Variants in SUGCT observed in about 807,000 individuals in gnomAD.
The protein encoded by SUGCT is succinyl-CoA:glutarate CoA-transferase.
A neutral mutation model predicts 55.0 loss-of-function variants in SUGCT; 41 were observed. The observed-to-expected ratio is 0.74, with a 90% CI of 0.58 to 0.97. The LOEUF (loss-of-function observed/expected upper bound fraction) is 0.97, where lower values mean the gene tolerates loss of function less well. SUGCT is among the 50% of genes least tolerant of loss of function. The pLI, the probability that SUGCT is intolerant of heterozygous loss-of-function variation, is 0.00. For missense variants in SUGCT, 568 were observed against 547.8 expected (o/e 1.04, Z -0.37); for synonymous variants, 187 against 200.4 (o/e 0.93, Z 0.56).
At chr7:40,504,767 G>T (rs755810578) in intron 12 of SUGCT, among the ~76,000 whole-genome samples, 1 of 152,032 alleles carries the variant, frequency 6.6e-6, no homozygotes, top group Non-Finnish European at 1.5e-5. Flanking sequence ...TTGTTGAAAA[G>T]ACTTTTATTT....
the SUGCT span, among the ~76,000 whole-genome samples, chr7:40,963,375 T>G: frequency 6.6e-6 from 1 of 152,196 alleles, no homozygotes; most frequent in South Asian, 2.1e-4. Flanking sequence ...CAATTTTTAG[T>G]CTTCCCAATG....
chr7:40,836,035 GGTT>G (rs2128783285), intron 13 of SUGCT, among the ~76,000 whole-genome samples: 1 of 151,334 alleles, frequency 6.6e-6, no homozygotes, highest in South Asian at 2.1e-4. Flanking sequence ...TGGGACTACA[GGTT>G]TATGTCACTA....
At chr7:40,793,565 G>A (rs758519599) in intron 13 of SUGCT, among the ~76,000 whole-genome samples, 3 of 151,818 alleles carry the variant, frequency 2.0e-5, no homozygotes, top group Non-Finnish European at 4.4e-5. Context: ...TTTATTTTTT[G>A]CTGTTATTGT....
chr7:40,717,230 A>G (rs1786069128), intron 12 of SUGCT, among the ~76,000 whole-genome samples: 1 of 152,234 alleles, frequency 6.6e-6, no homozygotes, highest in South Asian at 2.1e-4. Context: ...AGCTAAAAGC[A>G]GGCTCTTGTC....
At chr7:40,404,668 C>G (rs932354307) in intron 9 of SUGCT, among the ~76,000 whole-genome samples, 1 of 152,136 alleles carries the variant, frequency 6.6e-6, no homozygotes, top group Non-Finnish European at 1.5e-5. Context: ...AACCCCTGAC[C>G]TCAAGTGATC....
rs986165417 is a variant in SUGCT at position 40,286,467 on chromosome 7, A to C, written c.720+11811A>C. ...GATCTTTAATGTTATCACATCTATG[A>C]TGTTCCCCTTACCATGTAAGGTGGC... On this transcript the variant is annotated intron_variant, in intron 8 of 13. Transcript: ENST00000335693. 5.3e-5 allele frequency among the ~76,000 whole-genome samples: 8 copies of C among 152,174 alleles called. No individual in the cohort carries two copies. In the East Asian group the frequency reaches 1.5e-3, roughly 29 times the overall value.
At chr7:40,459,324 C>T in intron 11 of SUGCT, 126 bp downstream of exon 11, 1 of 634,154 alleles carries the variant, frequency 1.6e-6, no homozygotes, top group South Asian at 2.3e-5. Flanking sequence ...TTTTACAAAA[C>T]TGGCTGGTGG....
chr7:40,251,399 C>T (rs916512916), intron 7 of SUGCT, among the ~76,000 whole-genome samples: 9 of 152,138 alleles, frequency 5.9e-5, no homozygotes, highest in Non-Finnish European at 1.2e-4. Context: ...TATACTGCAA[C>T]AATAATTCCC....
chr7:40,869,674 T>A, the SUGCT span, among the ~76,000 whole-genome samples: 1 of 152,250 alleles, frequency 6.6e-6, no homozygotes, highest in South Asian at 2.1e-4. Flanking sequence ...GAATGTCATT[T>A]TTTTTTTCTC....
intron 12 of SUGCT, among the ~76,000 whole-genome samples, chr7:40,655,259 A>T (rs1241424288): frequency 6.6e-6 from 1 of 152,034 alleles, no homozygotes; most frequent in Non-Finnish European, 1.5e-5. Flanking sequence ...GTGCCAATGT[A>T]CTCTAGCTTG....
At chr7:40,552,874 A>G (rs1795374128) in intron 12 of SUGCT, among the ~76,000 whole-genome samples, 1 of 148,458 alleles carries the variant, frequency 6.7e-6, no homozygotes, top group Admixed American at 6.9e-5. Context: ...AGAAATCCTG[A>G]TTTCTGTTTA....
At chr7:40,590,298 G>C (rs1349021059) in intron 12 of SUGCT, among the ~76,000 whole-genome samples, 1 of 152,094 alleles carries the variant, frequency 6.6e-6, no homozygotes, top group Non-Finnish European at 1.5e-5. Context: ...CCCTATATTG[G>C]CCTTGAAGTG....
At chr7:40,440,974 C>G (rs1788484534) in intron 9 of SUGCT, among the ~76,000 whole-genome samples, 1 of 151,826 alleles carries the variant, frequency 6.6e-6, no homozygotes, top group African/African-American at 2.4e-5. Context: ...AAAAAAAGAT[C>G]TCACTGGGTT....
intron 13 of SUGCT, among the ~76,000 whole-genome samples, chr7:40,773,261 T>G (rs1789274666): frequency 6.6e-6 from 1 of 152,026 alleles, no homozygotes; most frequent in South Asian, 2.1e-4. Flanking sequence ...CCCAAGTAGC[T>G]GGGATTACAG....
At chr7:40,999,969 C>T in the SUGCT span, among the ~76,000 whole-genome samples, 1 of 152,178 alleles carries the variant, frequency 6.6e-6, no homozygotes, top group Non-Finnish European at 1.5e-5. Context: ...AAGCACAGTG[C>T]TTCATGGGTA....
the SUGCT span, among the ~76,000 whole-genome samples, chr7:41,031,596 G>A: frequency 4.6e-5 from 7 of 152,098 alleles, no homozygotes; most frequent in Non-Finnish European, 7.4e-5. Flanking sequence ...CGATCTGACC[G>A]TTGCCTACCT....
chr7:40,848,630 G>A (rs1584531256), intron 13 of SUGCT, among the ~76,000 whole-genome samples: 1 of 152,090 alleles, frequency 6.6e-6, no homozygotes, highest in Middle Eastern at 3.4e-3. Flanking sequence ...AAAACAATGA[G>A]CCAAAATTGA....
At chr7:40,944,692 C>T in the SUGCT span, among the ~76,000 whole-genome samples, 16 of 152,122 alleles carry the variant, frequency 1.1e-4, no homozygotes, top group African/African-American at 1.9e-4. Context: ...AGTTTGAAGT[C>T]GGGTAGCGTG....
intron 12 of SUGCT, among the ~76,000 whole-genome samples, chr7:40,728,030 C>T (rs1308088995): frequency 2.0e-5 from 3 of 151,986 alleles, no homozygotes; most frequent in Non-Finnish European, 4.4e-5. Context: ...CATTTTTATG[C>T]ATAAAGGTTT....
Sources: allele counts gnomAD v4.1 joint callset (sites outside exome capture counted in the v4.1 genomes callset), GRCh38; gene constraint gnomAD v4.1.1; transcripts MANE v1.5; gene names NCBI Gene and HGNC (gene_info 2026-07-23, HGNC 2026-07-21).